Variants in CNTNAP2 observed in about 807,000 individuals in gnomAD.
CNTNAP2 encodes contactin-associated protein-like 2.
In CNTNAP2, 98 loss-of-function variants were observed where a neutral mutation model predicts 155.2. That is an observed-to-expected ratio of 0.63 (90% CI 0.54 to 0.75). The LOEUF is 0.75. Ranked by LOEUF, CNTNAP2 falls within the 30% of genes least tolerant of loss-of-function variation. The pLI is 0.00. For missense variants in CNTNAP2, 1,727 were observed against 1,688.1 expected (o/e 1.02, Z -0.40); for synonymous variants, 651 against 631.2 (o/e 1.03, Z -0.47).
chr7:147,309,542 A>C (rs978942056), intron 9 of CNTNAP2, among the ~76,000 whole-genome samples: 74 of 152,016 alleles, frequency 4.9e-4, no homozygotes, highest in African/African-American at 1.6e-3. Flanking sequence ...CATTATTATT[A>C]TGTGATTATT....
chr7:147,800,913 C>T (rs1251963805), intron 13 of CNTNAP2, among the ~76,000 whole-genome samples: 1 of 152,198 alleles, frequency 6.6e-6, no homozygotes, highest in Non-Finnish European at 1.5e-5. Context: ...TACAGGTTTG[C>T]AGCCTAGAAG....
chr7:147,368,897 T>C (rs1796291737), intron 9 of CNTNAP2, among the ~76,000 whole-genome samples: 1 of 152,226 alleles, frequency 6.6e-6, no homozygotes, highest in Non-Finnish European at 1.5e-5. Context: ...AGATCATAGT[T>C]CCTTTCCTTG....
chr7:148,107,355 C>T (rs990115883), intron 15 of CNTNAP2, among the ~76,000 whole-genome samples: 2 of 152,184 alleles, frequency 1.3e-5, no homozygotes, highest in Non-Finnish European at 2.9e-5. Flanking sequence ...ACCCGAATCA[C>T]AGAGACACAC....
intron 15 of CNTNAP2, among the ~76,000 whole-genome samples, chr7:148,055,669 C>G (rs1038964434): frequency 1.3e-5 from 2 of 152,124 alleles, no homozygotes; most frequent in African/African-American, 4.8e-5. Flanking sequence ...CCTGTTTTGT[C>G]CCACTCAAAG....
At chr7:147,596,324 C>T (rs1238804765) in intron 12 of CNTNAP2, among the ~76,000 whole-genome samples, 2 of 152,168 alleles carry the variant, frequency 1.3e-5, no homozygotes, top group African/African-American at 4.8e-5. Flanking sequence ...ATATGTTAAA[C>T]TTATTGACCT....
At chr7:148,217,142 T>C (rs1795653704) in intron 18 of CNTNAP2, 146 bp from the exon 19 acceptor site, 5 of 719,582 alleles carry the variant, frequency 6.9e-6, no homozygotes, top group Non-Finnish European at 1.2e-5. Context: ...TTTGTGTTGA[T>C]GCAATAGCAT....
intron 8 of CNTNAP2, among the ~76,000 whole-genome samples, chr7:147,289,073 T>C (rs1805245869): frequency 6.6e-6 from 1 of 152,180 alleles, no homozygotes; most frequent in Non-Finnish European, 1.5e-5. Flanking sequence ...TAAAAACTTA[T>C]TCAAATTAAA....
At chr7:147,448,549 G>A (rs1043177780) in intron 10 of CNTNAP2, among the ~76,000 whole-genome samples, 15 of 150,578 alleles carry the variant, frequency 1.0e-4, no homozygotes, top group African/African-American at 1.2e-4. Flanking sequence ...TAGAAATACT[G>A]AACAAGTATA....
intron 11 of CNTNAP2, among the ~76,000 whole-genome samples, chr7:147,522,514 G>C: frequency 6.6e-6 from 1 of 151,748 alleles, no homozygotes; most frequent in East Asian, 1.9e-4. Flanking sequence ...ATTACCAAAA[G>C]TTGTAGCAGA....
At chr7:146,260,898 A>G (rs1799909571) in intron 1 of CNTNAP2, among the ~76,000 whole-genome samples, 1 of 152,172 alleles carries the variant, frequency 6.6e-6, no homozygotes, top group African/African-American at 2.4e-5. Context: ...CAGAGGTGGA[A>G]TAATATGGTT....
Position 148,277,159 on chromosome 7 carries a change from C to T in CNTNAP2, c.3475+10033C>T, listed in dbSNP as rs149277368. Among the ~76,000 whole-genome samples, 7 of 152,162 alleles carry T rather than the reference C, an allele frequency of 4.6e-5. 1 individual carries two copies. Among genetic ancestry groups the T allele is most frequent in the East Asian group, 3.9e-4 (2 of 5,166 alleles). ...TCTAGCTTTAGCATTCTAATGATAC[C>T]GTGGGCAGGGAGAGACCTGGATGCA... On this transcript the variant is annotated intron_variant, in intron 21 of 23. Coordinates refer to ENST00000361727, the MANE Select transcript of CNTNAP2 (RefSeq NM_014141.6).
chr7:147,483,117 A>G lies in CNTNAP2; in HGVS notation c.1671-2818A>G, dbSNP rs181390524. Among the ~76,000 whole-genome samples, 224 of 152,190 alleles carry G rather than the reference A, an allele frequency of 1.5e-3. 2 individuals carry two copies. Among genetic ancestry groups the G allele is most frequent in the South Asian group, 5.6e-3 (27 of 4,816 alleles). ...AAAATATTAAAATTGTATCTAAATA[A>G]AAAATACTTTTAAAGAAATCCTTAA... On this transcript the variant is annotated intron_variant, in intron 10 of 23. Coordinates refer to ENST00000361727, the MANE Select transcript of CNTNAP2 (RefSeq NM_014141.6).
chr7:147,104,085 G>A lies in CNTNAP2; in HGVS notation c.551-4062G>A, dbSNP rs1335961788. ...CTGTATTTGAGTGAATGCCACTTAA[G>A]TTAGTATTTTCATTTTGACAAATGT... On this transcript the variant is annotated intron_variant, in intron 4 of 23. Transcript: ENST00000361727. Among the ~76,000 whole-genome samples, 3 of 152,014 alleles carry A rather than the reference G, an allele frequency of 2.0e-5. No homozygotes were observed. In the East Asian group the frequency reaches 5.8e-4, roughly 29 times the overall value.
chr7:148,256,035 C>T (rs1463447327), intron 20 of CNTNAP2, among the ~76,000 whole-genome samples: 1 of 152,134 alleles, frequency 6.6e-6, no homozygotes, highest in African/African-American at 2.4e-5. Flanking sequence ...CCCAAATGAA[C>T]CTGAAATTGA....
intron 16 of CNTNAP2, among the ~76,000 whole-genome samples, chr7:148,132,390 T>C (rs1804849068): frequency 6.6e-6 from 1 of 151,912 alleles, no homozygotes; most frequent in Non-Finnish European, 1.5e-5. Flanking sequence ...TTAATTTTTT[T>C]TTTTTTTTTA....
At chr7:148,331,712 T>TGGATGGATGGAAC (rs1563045924) in intron 21 of CNTNAP2, among the ~76,000 whole-genome samples, 78 of 139,094 alleles carry the variant, frequency 5.6e-4, no homozygotes, top group African/African-American at 7.0e-4. Context: ...ATGGATGGAG[T>TGGATGGATGGAAC]GGACGGATGG....
chr7:147,020,390 C>G (rs1050755684), intron 3 of CNTNAP2, among the ~76,000 whole-genome samples: 36 of 152,182 alleles, frequency 2.4e-4, no homozygotes, highest in Middle Eastern at 3.4e-3. Context: ...AGGGTCTAGT[C>G]TGGAATGATA....
intron 3 of CNTNAP2, among the ~76,000 whole-genome samples, chr7:146,987,610 C>A (rs571474032): frequency 6.6e-6 from 1 of 152,170 alleles, no homozygotes; most frequent in African/African-American, 2.4e-5. Flanking sequence ...CTATCTTCTT[C>A]GCAGGTCTTT....
chr7:146,790,513 C>T (rs936696418), intron 2 of CNTNAP2, among the ~76,000 whole-genome samples: 2 of 151,586 alleles, frequency 1.3e-5, no homozygotes, highest in African/African-American at 2.4e-5. Context: ...TTATTGGATA[C>T]GTCCAAATGA....
Sources: gnomAD v4.1 joint callset for allele counts (sites outside exome capture counted in the v4.1 genomes callset) on GRCh38, gnomAD v4.1.1 for gene constraint, MANE v1.5 for transcripts, NCBI Gene and HGNC (gene_info 2026-07-23, HGNC 2026-07-21) for gene names.